Variants in SAMD12 observed in about 807,000 individuals in gnomAD.
SAMD12 encodes the protein sterile alpha motif domain containing 12, also known as sterile alpha motif domain-containing protein 12.
SAMD12 carries 9 observed loss-of-function variants against 15.0 expected under a neutral mutation model. The observed-to-expected ratio is 0.60, with a 90% CI of 0.36 to 1.05. SAMD12 has a LOEUF of 1.05. SAMD12 is among the 50% of genes least tolerant of loss of function. SAMD12 has a pLI of 0.01. For synonymous variants in SAMD12, 86 were observed against 90.1 expected (o/e 0.96, Z 0.25); for missense variants, 230 against 234.2 (o/e 0.98, Z 0.12).
At chr8:118,161,503 A>G in the SAMD12 span, among the ~76,000 whole-genome samples, 3 of 149,996 alleles carry the variant, frequency 2.0e-5, no homozygotes, top group Admixed American at 6.7e-5. Context: ...TCAAGGATGC[A>G]GTGAGCCGCT....
intron 2 of SAMD12, among the ~76,000 whole-genome samples, chr8:118,469,998 C>G (rs1002432129): frequency 8.6e-5 from 13 of 152,016 alleles, no homozygotes; most frequent in Non-Finnish European, 8.8e-5. Context: ...TATACACACG[C>G]ACATACATAT....
intron 3 of SAMD12, among the ~76,000 whole-genome samples, chr8:118,388,533 G>A (rs75451255): frequency 0.016 from 2,450 of 152,092 alleles, 63 homozygotes; most frequent in African/African-American, 0.054. Context: ...TATTATGTTT[G>A]TCTTTGGATT....
Position 118,226,588 on chromosome 8 carries a change from T to C in SAMD12, c.434-28856A>G, listed in dbSNP as rs17432562. The stretch of plus-strand genomic sequence containing the variant: ...TATCCAACTATTCAGCAAACATTTA[T>C]GGAGGATTCCCTATATGCTGTGCAC... On this transcript the variant is annotated intron_variant, in intron 4 of 4. Transcript: ENST00000409003. Among the ~76,000 whole-genome samples the C allele has an allele frequency of 7.5e-3, 1,149 of 152,344 alleles. 7 individuals carry two copies. Among genetic ancestry groups the C allele is most frequent in the Middle Eastern group, 0.027 (8 of 294 alleles).
At chr8:118,389,851 A>T (rs1000148991) in intron 3 of SAMD12, among the ~76,000 whole-genome samples, 9 of 152,232 alleles carry the variant, frequency 5.9e-5, no homozygotes, top group Non-Finnish European at 5.9e-5. Flanking sequence ...TAAGTTAGAT[A>T]CAAGTGAAAA....
intron 4 of SAMD12, among the ~76,000 whole-genome samples, chr8:118,370,904 C>A (rs1819063108): frequency 6.6e-6 from 1 of 151,942 alleles, no homozygotes; most frequent in East Asian, 1.9e-4. Context: ...ACCTATGTAA[C>A]AAACCTGCAC....
Position 118,435,750 on chromosome 8 carries a change from G to A in SAMD12, c.322+4082C>T, listed in dbSNP as rs141000220. On this transcript the variant is annotated intron_variant, in intron 3 of 3. Coordinates refer to ENST00000314727, the MANE Select transcript of SAMD12 (RefSeq NM_207506.3). ...ATTTAAACACTACTGAGGTTAAAGC[G>A]TAATTTTCAGAAAAGGTTAAAATCA... Among the ~76,000 whole-genome samples the A allele has an allele frequency of 5.3e-4, 81 of 152,296 alleles. 1 individual carries two copies. The East Asian group carries it at 0.013, about 24-fold the overall frequency.
intron 2 of SAMD12, among the ~76,000 whole-genome samples, chr8:118,570,488 A>G (rs1443947545): frequency 6.6e-6 from 1 of 152,098 alleles, no homozygotes; most frequent in South Asian, 2.1e-4. Flanking sequence ...GTGTTAATTT[A>G]CTAAGGATAT....
intron 2 of SAMD12, among the ~76,000 whole-genome samples, chr8:118,549,094 G>A (rs371510032): frequency 1.3e-5 from 2 of 152,354 alleles, no homozygotes; most frequent in East Asian, 1.9e-4. Context: ...CCACCTCTGG[G>A]GGCAGGGCAC....
intron 4 of SAMD12, among the ~76,000 whole-genome samples, chr8:118,370,933 G>T (rs1295621858): frequency 8.5e-6 from 1 of 117,776 alleles, no homozygotes; most frequent in Non-Finnish European, 1.7e-5. Flanking sequence ...CATGTACTCT[G>T]GAACTTAAAT....
chr8:118,564,246 G>A (rs940037978), intron 2 of SAMD12, among the ~76,000 whole-genome samples: 2 of 145,926 alleles, frequency 1.4e-5, no homozygotes, highest in Non-Finnish European at 3.0e-5. Flanking sequence ...CACTAATGGC[G>A]CTGGTAAAAC....
At chr8:118,150,621 G>C in the SAMD12 span, among the ~76,000 whole-genome samples, 3 of 152,046 alleles carry the variant, frequency 2.0e-5, no homozygotes, top group African/African-American at 7.2e-5. Context: ...CTCCTGCCTT[G>C]GCCTCCCAAA....
intron 2 of SAMD12, among the ~76,000 whole-genome samples, chr8:118,446,183 T>C (rs1822905444): frequency 6.6e-6 from 1 of 151,792 alleles, no homozygotes; most frequent in African/African-American, 2.4e-5. Flanking sequence ...AGAACCACTG[T>C]TTAAAGACAT....
intron 4 of SAMD12, among the ~76,000 whole-genome samples, chr8:118,216,301 T>C (rs1811958147): frequency 6.6e-6 from 1 of 152,060 alleles, no homozygotes; most frequent in Admixed American, 6.5e-5. Flanking sequence ...CGCCCACTTT[T>C]TGATGGGGTT....
At chr8:118,172,073 G>T in the SAMD12 span, among the ~76,000 whole-genome samples, 1 of 152,134 alleles carries the variant, frequency 6.6e-6, no homozygotes. Context: ...CTTGGACACA[G>T]GGTGGGGAAC....
intron 1 of SAMD12, among the ~76,000 whole-genome samples, chr8:118,594,637 A>G (rs1410462440): frequency 6.6e-6 from 1 of 152,198 alleles, no homozygotes; most frequent in East Asian, 1.9e-4. Flanking sequence ...AAATCAGGAA[A>G]GACTACGAGA....
chr8:118,531,536 G>A (rs540703387), intron 2 of SAMD12, among the ~76,000 whole-genome samples: 111 of 152,214 alleles, frequency 7.3e-4, no homozygotes, highest in Non-Finnish European at 1.4e-3. Context: ...CCATTTTCAC[G>A]ATATTGATTC....
chr8:118,228,138 G>A (rs968784642), intron 4 of SAMD12, among the ~76,000 whole-genome samples: 6 of 152,154 alleles, frequency 3.9e-5, no homozygotes, highest in Admixed American at 1.3e-4. Context: ...ATCAACTCAA[G>A]ATGGATTAAA....
chr8:118,242,088 A>AT (rs1464829778), intron 4 of SAMD12, among the ~76,000 whole-genome samples: 5 of 151,942 alleles, frequency 3.3e-5, no homozygotes, highest in Non-Finnish European at 5.9e-5. Context: ...TAACTTCTGT[A>AT]TTTTTTTGTA....
At chr8:118,474,467 A>G (rs558493886) in intron 2 of SAMD12, among the ~76,000 whole-genome samples, 14 of 149,700 alleles carry the variant, frequency 9.4e-5, no homozygotes, top group African/African-American at 3.4e-4. Context: ...TGTAACCTCC[A>G]CCTCCTAGGT....
Sources: gnomAD v4.1 joint callset for allele counts (sites outside exome capture counted in the v4.1 genomes callset) on GRCh38, gnomAD v4.1.1 for gene constraint, MANE v1.5 for transcripts, NCBI Gene and HGNC (gene_info 2026-07-23, HGNC 2026-07-21) for gene names.